The following PPP6R3 variants were observed in gnomAD, a reference collection of about 807,000 sequenced individuals.
PPP6R3 encodes protein phosphatase 6 regulatory subunit 3.
Under a neutral mutation model 110.7 loss-of-function variants are expected in PPP6R3, and 38 were observed. The observed-to-expected ratio is 0.34, with a 90% CI of 0.26 to 0.45. The LOEUF (loss-of-function observed/expected upper bound fraction) is 0.45, where lower values mean the gene tolerates loss of function less well. Among genes scored for constraint, PPP6R3 ranks in the 20% least tolerant of loss-of-function variants. PPP6R3 has a pLI of 1.00. For missense variants in PPP6R3, 870 were observed against 1,062.4 expected, an observed-to-expected ratio of 0.82 and a Z score of 2.52; for synonymous variants, 369 against 373.5, an observed-to-expected ratio of 0.99 and a Z score of 0.14.
chr11:68,573,119 T>TATATATATATATATAC (rs1380194411), intron 12 of PPP6R3, among the ~76,000 whole-genome samples: 2 of 32,840 alleles, frequency 6.1e-5, no homozygotes, highest in Non-Finnish European at 1.4e-4. Flanking sequence ...TTATTTTATA[T>TATATATATATATATAC]ATATATATAT....
intron 2 of PPP6R3, among the ~76,000 whole-genome samples, chr11:68,534,671 A>C (rs538871791): frequency 3.9e-5 from 6 of 152,226 alleles, no homozygotes; most frequent in Non-Finnish European, 8.8e-5. Flanking sequence ...TAAGTGCTTG[A>C]TGCCAGATTC....
intron 1 of PPP6R3, among the ~76,000 whole-genome samples, chr11:68,477,674 C>G (rs952465259): frequency 1.4e-5 from 2 of 145,748 alleles, no homozygotes; most frequent in African/African-American, 5.2e-5. Context: ...CTGCAGTAAG[C>G]TGTGATTGCG....
intron 2 of PPP6R3, among the ~76,000 whole-genome samples, chr11:68,529,576 G>A (rs1389735145): frequency 6.6e-6 from 1 of 152,154 alleles, no homozygotes. Flanking sequence ...ACCCACCTGT[G>A]CCTCTTGATG....
Position 68,613,626 on chromosome 11 carries a change from C to G in PPP6R3, c.*509C>G, listed in dbSNP as rs909326788. ...CCCTCTAAGTGTTATTTTGGTTGTTCTAACTTACAAAAGTGATTTTGAATA... is the reference window on the plus strand; with the variant it reads ...CCCTCTAAGTGTTATTTTGGTTGTTGTAACTTACAAAAGTGATTTTGAATA... On this transcript the variant is annotated 3_prime_UTR_variant, in exon 24 of 24. Coordinates refer to ENST00000393800, the MANE Select transcript of PPP6R3 (RefSeq NM_001164161.2). The G allele has an allele frequency of 1.0e-6, 1 of 985,580 alleles. No individual in the cohort carries two copies. The highest frequency in any genetic ancestry group is 1.2e-6 in the Non-Finnish European group (1 of 829,912). The allele number at this position is 985,580 out of a possible 1,614,324, so 61.1% of individuals were successfully genotyped here. A position where few individuals can be genotyped will look rare whatever the true frequency, so the allele number is the denominator to read the frequency against.
chr11:68,475,226 T>C (rs1443114921), intron 1 of PPP6R3, among the ~76,000 whole-genome samples: 1 of 152,134 alleles, frequency 6.6e-6, no homozygotes, highest in Non-Finnish European at 1.5e-5. Context: ...GAGCACAGGG[T>C]TGGGGGTAAG....
At chr11:68,595,972 T>G in intron 18 of PPP6R3, 125 bp from the exon 19 acceptor site, 1 of 1,248,448 alleles carries the variant, frequency 8.0e-7, no homozygotes, top group Non-Finnish European at 1.1e-6. Flanking sequence ...CACGTGGTGC[T>G]CAGACAGATG....
intron 1 of PPP6R3, among the ~76,000 whole-genome samples, chr11:68,485,861 C>A (rs958000048): frequency 6.6e-6 from 1 of 151,954 alleles, no homozygotes; most frequent in Admixed American, 6.6e-5. Context: ...TGCCCGGCGA[C>A]AGATTTTTGA....
chr11:68,503,267 C>T (rs2099057746), intron 1 of PPP6R3, among the ~76,000 whole-genome samples: 1 of 152,178 alleles, frequency 6.6e-6, no homozygotes. Context: ...TAAAAACCCA[C>T]GGAAACGGCT....
chr11:68,466,774 G>A (rs1198114281), intron 1 of PPP6R3, among the ~76,000 whole-genome samples: 7 of 152,152 alleles, frequency 4.6e-5, no homozygotes, highest in African/African-American at 1.7e-4. Flanking sequence ...CACCACGCCC[G>A]GCTAATTTTT....
chr11:68,503,423 G>T (rs771007990), intron 1 of PPP6R3, among the ~76,000 whole-genome samples: 1 of 152,190 alleles, frequency 6.6e-6, no homozygotes. Flanking sequence ...CCTGACCTCT[G>T]TGGGAGCCTC....
At chr11:68,551,459 G>C (rs184855223) in intron 6 of PPP6R3, among the ~76,000 whole-genome samples, 23 of 152,198 alleles carry the variant, frequency 1.5e-4, no homozygotes, top group Admixed American at 1.1e-3. Context: ...GCTGGTTTTT[G>C]TACAAACCTC....
chr11:68,484,460 T>C (rs2098933751), intron 1 of PPP6R3, among the ~76,000 whole-genome samples: 1 of 152,152 alleles, frequency 6.6e-6, no homozygotes, highest in African/African-American at 2.4e-5. Context: ...TGATGTATGA[T>C]GTTGAACATG....
chr11:68,593,087 C>T (rs1198808432), intron 18 of PPP6R3, among the ~76,000 whole-genome samples: 2 of 152,168 alleles, frequency 1.3e-5, no homozygotes, highest in African/African-American at 4.8e-5. Context: ...GTGGAAATTT[C>T]AACATGTATA....
chr11:68,469,239 CAG>C (rs1202675930), intron 1 of PPP6R3, among the ~76,000 whole-genome samples: 6 of 152,296 alleles, frequency 3.9e-5, no homozygotes, highest in South Asian at 2.1e-4. Flanking sequence ...TAAAAGCAGA[CAG>C]AGAGTTGGAT....
intron 16 of PPP6R3, among the ~76,000 whole-genome samples, chr11:68,590,165 A>G (rs919090729): frequency 5.9e-5 from 9 of 152,244 alleles, no homozygotes; most frequent in African/African-American, 1.9e-4. Context: ...TTAATAAGCA[A>G]TGAATTCTTT....
At chr11:68,528,220 A>G (rs1476069322) in intron 2 of PPP6R3, among the ~76,000 whole-genome samples, 1 of 152,180 alleles carries the variant, frequency 6.6e-6, no homozygotes, top group Non-Finnish European at 1.5e-5. Context: ...TTATTCTCAA[A>G]GAAATGCTTG....
rs1175584196 is a variant in PPP6R3 at position 68,477,751 on chromosome 11, T to A, written c.-158+16924T>A. Among the ~76,000 whole-genome samples the A allele has an allele frequency of 1.6e-3, 212 of 133,978 alleles. 2 individuals carry two copies. Among genetic ancestry groups the A allele is most frequent in the African/African-American group, 5.9e-3 (202 of 34,342 alleles). The allele number at this position is 133,978 out of a possible 152,430, so 87.9% of individuals were successfully genotyped here. On this transcript the variant is annotated intron_variant, in intron 1 of 23. Coordinates refer to ENST00000393800, the MANE Select transcript of PPP6R3 (RefSeq NM_001164161.2). ...CTTAAAAAAAAAAAAAATATATATATATATATATATATATATATATAATTT... is the reference window on the plus strand; with the variant it reads ...CTTAAAAAAAAAAAAAATATATATAAATATATATATATATATATATAATTT...
At chr11:68,578,172 C>T (rs928142331) in intron 14 of PPP6R3, among the ~76,000 whole-genome samples, 12 of 152,120 alleles carry the variant, frequency 7.9e-5, no homozygotes, top group African/African-American at 2.4e-4. Context: ...AGATTTTAAT[C>T]GTATCCTCCA....
At chr11:68,550,938 A>G (rs1249301342) in intron 5 of PPP6R3, 183 bp from the exon 6 acceptor site, 2 of 540,746 alleles carry the variant, frequency 3.7e-6, no homozygotes, top group African/African-American at 3.8e-5. Context: ...GGCCATTGTT[A>G]AAACAATATA....
Sources: gnomAD v4.1 joint callset for allele counts (sites outside exome capture counted in the v4.1 genomes callset) on GRCh38, gnomAD v4.1.1 for gene constraint, MANE v1.5 for transcripts, NCBI Gene and HGNC (gene_info 2026-07-23, HGNC 2026-07-21) for gene names.